The following MX1 variants were observed in gnomAD, a reference collection of about 807,000 sequenced individuals.
The protein encoded by MX1 is MX dynamin like GTPase 1, also known as interferon-induced GTP-binding protein Mx1.
Under a neutral mutation model 66.4 loss-of-function variants are expected in MX1, and 66 were observed. That is an observed-to-expected ratio of 0.99 (90% CI 0.82 to 1.22). The LOEUF is 1.22. Among genes scored for constraint, MX1 ranks in the 50% most tolerant of loss-of-function variants. The pLI, the probability that MX1 is intolerant of heterozygous loss-of-function variation, is 0.00. For missense variants in MX1, 787 were observed against 834.3 expected (o/e 0.94, Z 0.70); for synonymous variants, 311 against 318.1 (o/e 0.98, Z 0.24).
intron 13 of MX1, among the ~76,000 whole-genome samples, chr21:41,446,848 G>T (rs985235464): frequency 6.6e-6 from 1 of 152,200 alleles, no homozygotes; most frequent in African/African-American, 2.4e-5. Context: ...GTAGACCATA[G>T]CAATGAGTCA....
rs148821925 is a variant in MX1 at position 41,441,864 on chromosome 21, C to T, written c.879C>T (p.Ser293=). 14 of 1,613,988 alleles carry T rather than the reference C, an allele frequency of 8.7e-6. No homozygotes were observed. Among genetic ancestry groups the T allele is most frequent in the Admixed American group, 1.7e-5 (1 of 59,994 alleles). ...AGATCCAGGACCAGCTGAGCCTGTC[C>T]GAAGCCCTGCAGAGAGAGAAGATCT... ...QQEIQDQLSL[S]EALQREKIFF... The change falls in exon 10 of 17, where the codon TCC becomes TCT. Residue 293 remains serine, a synonymous_variant. Transcript: ENST00000398598. This position sits in a 1 kb window ranked among gnomAD's most constrained non-coding sequence, Gnocchi z 4.0.
rs1301479567 is a variant in MX1, at chr21:41,439,860, G to C, written c.591+12G>C. 6.3e-7 allele frequency: 1 copy of C among 1,593,690 alleles called. No individual in the cohort carries two copies. Among genetic ancestry groups the C allele is most frequent in the Non-Finnish European group, 8.6e-7 (1 of 1,167,794 alleles). ...ACATTGGGTATAAGGTCAGACTTCA[G>C]ACCCATTCTGACCTTGGCCGTGGCG... is the stretch of plus-strand genomic sequence containing the variant. On this transcript the variant is annotated intron_variant, in intron 8 of 16. Coordinates refer to ENST00000398598, the MANE Select transcript of MX1 (RefSeq NM_002462.5).
chr21:41,453,107 T>G (rs1369564894), intron 16 of MX1, among the ~76,000 whole-genome samples: 1 of 152,164 alleles, frequency 6.6e-6, no homozygotes, highest in Non-Finnish European at 1.5e-5. Flanking sequence ...GGGGAGGCCT[T>G]CTACCATCAC....
chr21:41,454,701 A>G (rs1220190002), intron 16 of MX1, among the ~76,000 whole-genome samples: 2 of 152,180 alleles, frequency 1.3e-5, no homozygotes, highest in East Asian at 3.8e-4. Flanking sequence ...CACAGACACA[A>G]CTCAGGTAGA....
chr21:41,454,375 G>C lies in MX1; in HGVS notation c.1758+1506G>C, dbSNP rs182154547. Among the ~76,000 whole-genome samples the C allele has an allele frequency of 8.8e-5, 13 of 147,390 alleles. 1 individual carries two copies. The highest frequency in any genetic ancestry group is 5.8e-4 in the East Asian group (3 of 5,178). The stretch of plus-strand genomic sequence containing the variant: ...TATAATATGGTATCTTACTACTCCA[G>C]AGTCTTTTTGGCCAACCTTATGATC... On this transcript the variant is annotated intron_variant, in intron 16 of 16. Transcript: ENST00000398598.
chr21:41,431,963 G>A (rs2090226688), intron 4 of MX1, 87 bp from the exon 5 acceptor site: 5 of 1,013,016 alleles, frequency 4.9e-6, no homozygotes, highest in Non-Finnish European at 5.9e-6. Context: ...CACCTCCAGG[G>A]GCCTTCCGTT....
upstream of MX1, among the ~76,000 whole-genome samples, chr21:41,423,948 G>A (rs2090018264): frequency 6.6e-6 from 1 of 152,186 alleles, no homozygotes; most frequent in African/African-American, 2.4e-5. Flanking sequence ...TGCCCTGGCT[G>A]AGGTTGTGCC....
chr21:41,451,250 C>A lies in MX1; in HGVS notation c.1509+7C>A, dbSNP rs771804878. On this transcript the variant is annotated splice_region_variant and intron_variant, in intron 15 of 16. Coordinates refer to ENST00000398598, the MANE Select transcript of MX1 (RefSeq NM_002462.5). ...CCTCCACAGAACCGCCAAGGTAAAACCAACCATGTGTTGTTTAAAAAAAAA... is the reference window on the plus strand; with the variant it reads ...CCTCCACAGAACCGCCAAGGTAAAAACAACCATGTGTTGTTTAAAAAAAAA... 1.3e-6 allele frequency: 2 copies of A among 1,574,096 alleles called. No homozygotes were observed. The highest frequency in any genetic ancestry group is 2.2e-5 in the East Asian group (1 of 44,592).
chr21:41,452,834 G>A lies in MX1; in HGVS notation c.1723G>A (p.Glu575Lys). The A allele has an allele frequency of 6.2e-7, 1 of 1,614,134 alleles. No homozygotes were observed. The highest frequency in any genetic ancestry group is 1.1e-5 in the South Asian group (1 of 91,070). Residue 575 changes from glutamate (E) to lysine (K), a missense_variant, in exon 16 of 17, where the codon GAG (glutamate) becomes AAG (lysine). Glu to Lys is a moderately conservative substitution (Grantham distance 56). Transcript: ENST00000398598. ...CAGCTCGGCAACAGACTCTTCCATG[G>A]AGGAGATCTTTCAGCACCTGATGGC... ...QSSSATDSSM[E>K]EIFQHLMAYH...
At chr21:41,444,318 CTTTTTTTTTTTTTTTTTT>C (rs11317486) in intron 11 of MX1, among the ~76,000 whole-genome samples, 1 of 71,526 alleles carries the variant, frequency 1.4e-5, no homozygotes, top group African/African-American at 6.2e-5. Flanking sequence ...TCTTTTCTTT[CTTTTTTTTTTTTTTTTTT>C]TTTTTTTTGA....
rs8133880 is a variant in MX1, at chr21:41,441,045, A to C, written c.730+20A>C. 34 of 1,534,414 alleles carry C rather than the reference A, an allele frequency of 2.2e-5. No homozygotes were observed. Among genetic ancestry groups the C allele is most frequent in the Non-Finnish European group, 2.8e-5 (32 of 1,130,344 alleles). On this transcript the variant is annotated intron_variant, in intron 9 of 16. Transcript: ENST00000398598. The surrounding 1 kb of genome is among the most constrained non-coding windows in gnomAD (Gnocchi z 4.0). ...CCATCGGTGAGAGTGGGGGAGCCCC[A>C]CTGTGCTCAGTGAGAATGGGGGAGC... is the stretch of plus-strand genomic sequence containing the variant.
chr21:41,452,648 C>T lies in MX1; in HGVS notation c.1537C>T (p.Gln513Ter). 2 of 1,613,980 alleles carry T rather than the reference C, an allele frequency of 1.2e-6. No individual in the cohort carries two copies. The highest frequency in any genetic ancestry group is 1.7e-6 in the Non-Finnish European group (2 of 1,179,986). Residue 513 changes from glutamine (Q) to a stop codon, truncating the protein, a stop_gained, in exon 16 of 17, where the codon CAA (glutamine) becomes TAA (stop). Transcript: ENST00000398598. LOFTEE classifies it high-confidence loss of function. ...KSKIEDIRAE[Q>*]EREGEKLIRL... ...CAAAATTGAAGACATTAGAGCAGAA[C>T]AAGAGAGAGAAGGTGAGAAGCTGAT...
chr21:41,458,483 CA>C, intron 16 of MX1, 44 bp from the exon 17 acceptor site: 1 of 1,609,440 alleles, frequency 6.2e-7, no homozygotes, highest in Middle Eastern at 1.7e-4. Flanking sequence ...GTCCCCTCCT[CA>C]CAGTGTCCCC....
At position 41,441,069 on chromosome 21, in the gene MX1, G is replaced by A; in HGVS notation, c.730+44G>A. The A allele has an allele frequency of 4.0e-6, 6 of 1,510,270 alleles. No individual in the cohort carries two copies. The highest frequency in any genetic ancestry group is 5.4e-6 in the Non-Finnish European group (6 of 1,102,032). 93.6% of individuals were successfully genotyped at this position (1,510,270 alleles called of 1,614,324 possible). ...CACTGTGCTCAGTGAGAATGGGGGA[G>A]CCCGCCTGTGCTCGGTGAGAATGGG... On this transcript the variant is annotated intron_variant, in intron 9 of 16. Transcript: ENST00000398598. This position sits in a 1 kb window ranked among gnomAD's most constrained non-coding sequence, Gnocchi z 4.0.
At chr21:41,446,955 T>C (rs1328109995) in intron 13 of MX1, among the ~76,000 whole-genome samples, 6 of 152,204 alleles carry the variant, frequency 3.9e-5, no homozygotes, top group African/African-American at 1.4e-4. Context: ...ACTAAAGCCA[T>C]GTTTGCTCTC....
chr21:41,454,912 T>C (rs1055101837), intron 16 of MX1, among the ~76,000 whole-genome samples: 8 of 149,084 alleles, frequency 5.4e-5, no homozygotes, highest in Admixed American at 3.3e-4. Flanking sequence ...GCCTTTCTTT[T>C]TTTTTTTTTT....
chr21:41,454,086 A>G (rs991292071), intron 16 of MX1, among the ~76,000 whole-genome samples: 1 of 145,992 alleles, frequency 6.8e-6, no homozygotes, highest in African/African-American at 2.6e-5. Context: ...GAGATTCTCT[A>G]CAGGTGCAAA....
chr21:41,435,392 G>A (rs753605898), intron 5 of MX1, among the ~76,000 whole-genome samples: 19 of 152,154 alleles, frequency 1.2e-4, no homozygotes, highest in African/African-American at 4.1e-4. Context: ...AGTAACCTGT[G>A]TATTAGACTT....
chr21:41,436,913 C>A, intron 6 of MX1, 102 bp from the exon 7 acceptor site: 1 of 1,405,148 alleles, frequency 7.1e-7, no homozygotes, highest in Non-Finnish European at 9.7e-7. Context: ...TTTTAAATGT[C>A]TCCCCATATG....
Sources: allele counts gnomAD v4.1 joint callset (sites outside exome capture counted in the v4.1 genomes callset), GRCh38; gene constraint gnomAD v4.1.1; non-coding constraint Gnocchi (gnomAD v3.1); transcripts MANE v1.5; gene names NCBI Gene and HGNC (gene_info 2026-07-23, HGNC 2026-07-21).